PJA2: variants seen among roughly 807,000 people sequenced by gnomAD.
PJA2 encodes praja ring finger ubiquitin ligase 2.
A neutral mutation model predicts 69.3 loss-of-function variants in PJA2; 25 were observed. The observed-to-expected ratio is 0.36, with a 90% CI of 0.26 to 0.50. The LOEUF (loss-of-function observed/expected upper bound fraction) is 0.50, where lower values mean the gene tolerates loss of function less well. Among genes scored for constraint, PJA2 ranks in the 20% least tolerant of loss-of-function variants. The probability of loss-of-function intolerance (pLI) is 0.96; values close to 1 mark genes in which losing one functional copy is unlikely to be tolerated. For missense variants in PJA2, 809 were observed against 830.2 expected, an observed-to-expected ratio of 0.97 and a Z score of 0.31; for synonymous variants, 308 against 277.8, an observed-to-expected ratio of 1.11 and a Z score of -1.08.
At chr5:109,368,440 G>T in intron 5 of PJA2, 121 bp downstream of exon 5, 1 of 742,456 alleles carries the variant, frequency 1.3e-6, no homozygotes, top group South Asian at 2.6e-5. Context: ...AAAAAATCAG[G>T]GGGGCCTACT....
intron 1 of PJA2, among the ~76,000 whole-genome samples, chr5:109,391,151 C>T (rs1050148945): frequency 8.5e-5 from 13 of 152,120 alleles, no homozygotes; most frequent in Non-Finnish European, 1.9e-4. Flanking sequence ...AGTTCTTTTA[C>T]CAGGTCCCCA....
intron 4 of PJA2, among the ~76,000 whole-genome samples, chr5:109,375,656 G>C (rs1167781865): frequency 6.6e-6 from 1 of 151,946 alleles, no homozygotes; most frequent in East Asian, 1.9e-4. Flanking sequence ...AAAACTCAAA[G>C]TTCACAGGCC....
chr5:109,391,488 T>A (rs2127012889), intron 1 of PJA2, among the ~76,000 whole-genome samples: 1 of 134,434 alleles, frequency 7.4e-6, no homozygotes, highest in African/African-American at 2.8e-5. Flanking sequence ...TTAGACACCT[T>A]TTTTTTTTCT....
chr5:109,337,057 A>C lies in PJA2; in HGVS notation c.*174T>G, dbSNP rs1761957037. The C allele has an allele frequency of 6.2e-6, 3 of 480,212 alleles. No individual in the cohort carries two copies. The highest frequency in any genetic ancestry group is 2.1e-5 in the African/African-American group (1 of 48,678). 29.7% of individuals were successfully genotyped at this position (480,212 alleles called of 1,614,324 possible). ...CTCAACATTCAGCTTAAAAATGTTT[A>C]ATACTTTCTGCAAACCTAAATTTAG... is the stretch of plus-strand genomic sequence containing the variant. On this transcript the variant is annotated 3_prime_UTR_variant, in exon 10 of 10. Transcript: ENST00000361189.
chr5:109,378,013 A>C (rs1746932319), intron 4 of PJA2, among the ~76,000 whole-genome samples, 191 bp downstream of exon 4: 1 of 152,206 alleles, frequency 6.6e-6, no homozygotes, highest in Non-Finnish European at 1.5e-5. Context: ...AAAACCTCAA[A>C]AACATTTTTT....
intron 9 of PJA2, among the ~76,000 whole-genome samples, chr5:109,338,806 G>A (rs967351050): frequency 6.6e-6 from 1 of 151,948 alleles, no homozygotes. Context: ...ATTAGAAAAC[G>A]GGAATAAAGA....
At chr5:109,382,267 G>C (rs1747068675) in intron 2 of PJA2, among the ~76,000 whole-genome samples, 1 of 151,856 alleles carries the variant, frequency 6.6e-6, no homozygotes, top group African/African-American at 2.4e-5. Flanking sequence ...CTATCCAAAA[G>C]AAAACAGCAA....
rs1166120910 is a variant in PJA2, at chr5:109,343,276, A to T, written c.2001+914T>A. On this transcript the variant is annotated intron_variant, in intron 9 of 9. Transcript: ENST00000361189. ...ATTAAATGGATTAAGGGCGGTGCAA[A>T]AAAAAAAAAAAAAAAAGAAAGAAAG... Among the ~76,000 whole-genome samples the T allele has an allele frequency of 8.4e-5, 6 of 71,076 alleles. No homozygotes were observed. In the East Asian group the frequency reaches 1.4e-3, roughly 16 times the overall value. 46.6% of individuals were successfully genotyped at this position (71,076 alleles called of 152,430 possible). A position where few individuals can be genotyped will look rare whatever the true frequency, so the allele number is the denominator to read the frequency against.
In PJA2 at chr5:109,371,685, C is replaced by T. The variant is rs187958439; in HGVS notation, c.1284-2939G>A. ...ATCAAACAGTATGTTTATAGTATTA[C>T]TCCAAAAAACCTTCAACAGCTCTTT... On this transcript the variant is annotated intron_variant, in intron 4 of 9. Transcript: ENST00000361189. Among the ~76,000 whole-genome samples the T allele has an allele frequency of 3.9e-5, 6 of 152,290 alleles. No homozygotes were observed. In the East Asian group the frequency reaches 1.2e-3, roughly 29 times the overall value.
chr5:109,375,550 G>A (rs753897577), intron 4 of PJA2, among the ~76,000 whole-genome samples: 16 of 152,096 alleles, frequency 1.1e-4, no homozygotes, highest in Non-Finnish European at 1.8e-4. Flanking sequence ...ATGCCACAAT[G>A]AACTTTAGTT....
At chr5:109,358,522 G>A (rs192895085) in intron 6 of PJA2, among the ~76,000 whole-genome samples, 45 of 152,178 alleles carry the variant, frequency 3.0e-4, no homozygotes, top group African/African-American at 1.0e-3. Flanking sequence ...TTGCTCTAGC[G>A]CCACTGGGTT....
At chr5:109,360,617 T>A (rs187695643) in intron 6 of PJA2, among the ~76,000 whole-genome samples, 1 of 152,186 alleles carries the variant, frequency 6.6e-6, no homozygotes, top group Non-Finnish European at 1.5e-5. Context: ...TAGTACCACA[T>A]AAGCAAATAA....
At chr5:109,375,518 A>C (rs1746842994) in intron 4 of PJA2, among the ~76,000 whole-genome samples, 1 of 152,134 alleles carries the variant, frequency 6.6e-6, no homozygotes, top group South Asian at 2.1e-4. Context: ...GAAATAAATA[A>C]ATAAAAAATA....
In PJA2 at chr5:109,379,700, T is replaced by C. The variant is rs576229310; in HGVS notation, c.233-446A>G. Among the ~76,000 whole-genome samples the C allele has an allele frequency of 1.0e-3, 158 of 152,226 alleles. 1 individual carries two copies. Among genetic ancestry groups the C allele is most frequent in the Non-Finnish European group, 3.1e-4 (21 of 68,034 alleles). The stretch of plus-strand genomic sequence containing the variant: ...TCAAAAGTACTTATGACAGATATAA[T>C]AACTATAGTTACAGATTTAAGAGAA... On this transcript the variant is annotated intron_variant, in intron 3 of 9. Transcript: ENST00000361189.
intron 5 of PJA2, among the ~76,000 whole-genome samples, chr5:109,363,392 T>C (rs1338641342): frequency 6.6e-6 from 1 of 152,218 alleles, no homozygotes; most frequent in South Asian, 2.1e-4. Flanking sequence ...TTCCTCAACC[T>C]GGCCTTCAAA....
chr5:109,340,028 T>C (rs1762014309), intron 9 of PJA2, among the ~76,000 whole-genome samples: 2 of 152,228 alleles, frequency 1.3e-5, no homozygotes, highest in African/African-American at 2.4e-5. Flanking sequence ...CTCATGAGAC[T>C]TGAGACACAC....
At chr5:109,387,702 T>C (rs1033084409) in intron 1 of PJA2, among the ~76,000 whole-genome samples, 3 of 152,224 alleles carry the variant, frequency 2.0e-5, no homozygotes, top group Non-Finnish European at 2.9e-5. Context: ...CACTTTATCA[T>C]TTCAACCAGG....
chr5:109,368,703 G>A lies in PJA2; in HGVS notation c.1327C>T (p.Arg443Ter), dbSNP rs1265492269. The A allele has an allele frequency of 2.5e-6, 4 of 1,613,790 alleles. No individual in the cohort carries two copies. Among genetic ancestry groups the A allele is most frequent in the Non-Finnish European group, 2.5e-6 (3 of 1,179,944 alleles). Residue 443 changes from arginine to a stop codon, truncating the protein, a stop_gained, in exon 5 of 10, where the codon CGA (arginine) becomes TGA (stop). Transcript: ENST00000361189. LOFTEE classifies it high-confidence loss of function. ...TGATCTTTTTCTGTACCAGAAAATC[G>A]ATGAGGCAAAGAAGCAGACCATTCC... ...DGEWSASLPH[R>*]FSGTEKDQSS...
chr5:109,352,804 T>TAG (rs1762278230), intron 7 of PJA2, among the ~76,000 whole-genome samples: 1 of 151,074 alleles, frequency 6.6e-6, no homozygotes, highest in Non-Finnish European at 1.5e-5. Flanking sequence ...TAGATATGTA[T>TAG]ATATTAGATA....
Sources: gnomAD v4.1 joint callset for allele counts (sites outside exome capture counted in the v4.1 genomes callset) on GRCh38, gnomAD v4.1.1 for gene constraint, MANE v1.5 for transcripts, NCBI Gene and HGNC (gene_info 2026-07-23, HGNC 2026-07-21) for gene names.